The following MOB1B variants were observed in gnomAD, a reference collection of about 807,000 sequenced individuals.
MOB1B encodes MOB1 Mps One Binder homolog B.
In MOB1B, 19 loss-of-function variants were observed where a neutral mutation model predicts 24.4. The ratio of observed to expected loss-of-function variants is 0.78; its 90% CI spans 0.54 to 1.14. The LOEUF is 1.14. Among genes scored for constraint, MOB1B ranks in the 50% most tolerant of loss-of-function variants. MOB1B has a pLI of 0.00. For missense variants in MOB1B, 243 were observed against 259.6 expected (o/e 0.94, Z 0.44); for synonymous variants, 76 against 82.1 (o/e 0.93, Z 0.40).
intron 1 of MOB1B, among the ~76,000 whole-genome samples, chr4:70,943,724 G>A (rs1737447770): frequency 6.6e-6 from 1 of 152,074 alleles, no homozygotes; most frequent in Admixed American, 6.5e-5. Context: ...AAGACTATAC[G>A]TGTACCTAAA....
At chr4:70,925,104 C>T (rs1286765119) in intron 1 of MOB1B, among the ~76,000 whole-genome samples, 1 of 152,030 alleles carries the variant, frequency 6.6e-6, no homozygotes, top group Admixed American at 6.6e-5. Context: ...AGTGCAATGG[C>T]GCAATCTGGG....
In MOB1B at chr4:70,986,736, T is replaced by C. The variant is rs1335592411; in HGVS notation, c.*4679T>C. The C allele has an allele frequency of 3.9e-5, 6 of 152,196 alleles. No homozygotes were observed. The highest frequency in any genetic ancestry group is 8.8e-5 in the Non-Finnish European group (6 of 68,000). 9.4% of individuals were successfully genotyped at this position (152,196 alleles called of 1,614,324 possible). ...CAGCTATCACCTTAATTGTGTATGATATGATAAATGTTTAGCAGTAAAGCT... is the reference window on the plus strand; with the variant it reads ...CAGCTATCACCTTAATTGTGTATGACATGATAAATGTTTAGCAGTAAAGCT... On this transcript the variant is annotated 3_prime_UTR_variant, in exon 6 of 6. Transcript: ENST00000309395.
Position 70,975,749 on chromosome 4 carries a change from G to C in MOB1B, c.409+463G>C, listed in dbSNP as rs1738958086. 5 of 977,694 alleles carry C rather than the reference G, an allele frequency of 5.1e-6. No homozygotes were observed. The South Asian group carries it at 1.4e-4, about 28-fold the overall frequency. The allele number at this position is 977,694 out of a possible 1,614,324, so 60.6% of individuals were successfully genotyped here. A position where few individuals can be genotyped will look rare whatever the true frequency, so the allele number is the denominator to read the frequency against. On this transcript the variant is annotated intron_variant, in intron 4 of 5. Coordinates refer to ENST00000309395, the MANE Select transcript of MOB1B (RefSeq NM_173468.4). ...CTTTCAGTAGAAAGTTCTAGATGGA[G>C]GGTTATTCCTATTCTAGGAACCATG...
chr4:70,979,537 C>T (rs2148904692), intron 5 of MOB1B, among the ~76,000 whole-genome samples: 1 of 152,280 alleles, frequency 6.6e-6, no homozygotes, highest in African/African-American at 2.4e-5. Flanking sequence ...CTTCAGTTAA[C>T]AGGCCATATG....
At chr4:70,979,044 T>C (rs1739103898) in intron 4 of MOB1B, 84 bp from the exon 5 acceptor site, 2 of 1,084,466 alleles carry the variant, frequency 1.8e-6, no homozygotes, top group Non-Finnish European at 2.7e-6. Flanking sequence ...CTTGTCTTGG[T>C]AATTTATGTT....
At chr4:70,978,316 T>A (rs1446733462) in intron 4 of MOB1B, among the ~76,000 whole-genome samples, 4 of 152,228 alleles carry the variant, frequency 2.6e-5, no homozygotes. Context: ...GTTTTAAAAA[T>A]CCATTCATCT....
chr4:70,901,907 C>T (rs556389085), upstream of MOB1B, among the ~76,000 whole-genome samples: 1 of 152,262 alleles, frequency 6.6e-6, no homozygotes, highest in African/African-American at 2.4e-5. Context: ...GATGACCACC[C>T]TATCATGCTG....
chr4:70,971,792 T>C (rs992309234), intron 3 of MOB1B, among the ~76,000 whole-genome samples: 4 of 152,194 alleles, frequency 2.6e-5, no homozygotes, highest in African/African-American at 9.7e-5. Context: ...AGCCAGTTCT[T>C]CTGGCTTGAG....
intron 1 of MOB1B, among the ~76,000 whole-genome samples, chr4:70,927,137 T>TA (rs2148876743): frequency 6.6e-6 from 1 of 152,318 alleles, no homozygotes; most frequent in South Asian, 2.1e-4. Context: ...TAATGATGGT[T>TA]AAAGACCCTT....
chr4:70,969,873 A>G, intron 2 of MOB1B, 58 bp from the exon 3 acceptor site: 1 of 989,168 alleles, frequency 1.0e-6, no homozygotes, highest in South Asian at 1.5e-5. Flanking sequence ...AGTACAATTA[A>G]AATTTCATTT....
At chr4:70,904,008 T>C (rs1408860923) in intron 1 of MOB1B, among the ~76,000 whole-genome samples, 2 of 107,290 alleles carry the variant, frequency 1.9e-5, no homozygotes, top group African/African-American at 7.2e-5. Flanking sequence ...TGAGACGGAG[T>C]CTCCGCTCTG....
At chr4:70,910,332 C>T (rs189928520) in intron 1 of MOB1B, among the ~76,000 whole-genome samples, 122 of 152,126 alleles carry the variant, frequency 8.0e-4, no homozygotes, top group African/African-American at 2.7e-3. Context: ...CTAGCCATTG[C>T]GCCCAGCTGA....
At chr4:70,981,851 G>GA in intron 5 of MOB1B, 129 bp from the exon 6 acceptor site, 1 of 635,524 alleles carries the variant, frequency 1.6e-6, no homozygotes, top group South Asian at 1.9e-5. Context: ...TAGTGAACAA[G>GA]AAAAAAATAA....
At chr4:70,934,120 T>A (rs565222380) in intron 1 of MOB1B, among the ~76,000 whole-genome samples, 2 of 152,360 alleles carry the variant, frequency 1.3e-5, no homozygotes, top group Admixed American at 6.5e-5. Flanking sequence ...AGTCTCGCTC[T>A]GTTGCCCAGG....
At chr4:70,929,332 C>T (rs1736786142) in intron 1 of MOB1B, among the ~76,000 whole-genome samples, 1 of 151,794 alleles carries the variant, frequency 6.6e-6, no homozygotes. Flanking sequence ...GTGTGTGCCA[C>T]CACGCCCGGC....
Position 70,982,421 on chromosome 4 carries a change from A to G in MOB1B, c.*364A>G, listed in dbSNP as rs1005189815. ...GTGGCCCATTTATGAAGTCCCCAAA[A>G]GAGTTATGTTTTTAAGTGCCTTGGC... On this transcript the variant is annotated 3_prime_UTR_variant, in exon 6 of 6. Coordinates refer to ENST00000309395, the MANE Select transcript of MOB1B (RefSeq NM_173468.4). The G allele has an allele frequency of 5.9e-6, 1 of 169,348 alleles. No homozygotes were observed. The highest frequency in any genetic ancestry group is 2.4e-5 in the African/African-American group (1 of 41,684). The allele number at this position is 169,348 out of a possible 1,614,324, so 10.5% of individuals were successfully genotyped here.
chr4:70,965,754 G>A (rs1380210663), intron 2 of MOB1B, among the ~76,000 whole-genome samples: 4 of 121,668 alleles, frequency 3.3e-5, no homozygotes, highest in Non-Finnish European at 4.7e-5. Flanking sequence ...CCGAGATCAC[G>A]CCACTGCACT....
At chr4:70,969,724 A>G (rs1369799297) in intron 2 of MOB1B, among the ~76,000 whole-genome samples, 1 of 152,120 alleles carries the variant, frequency 6.6e-6, no homozygotes, top group Non-Finnish European at 1.5e-5. Flanking sequence ...TAATCTCTTC[A>G]TCTCTATGCT....
At chr4:70,969,692 TG>T (rs1214298378) in intron 2 of MOB1B, among the ~76,000 whole-genome samples, 1 of 152,262 alleles carries the variant, frequency 6.6e-6, no homozygotes, top group Non-Finnish European at 1.5e-5. Flanking sequence ...ATAAGATTTC[TG>T]TTGTTTGTAT....
Sources: gnomAD v4.1 joint callset for allele counts (sites outside exome capture counted in the v4.1 genomes callset) on GRCh38, gnomAD v4.1.1 for gene constraint, MANE v1.5 for transcripts, NCBI Gene and HGNC (gene_info 2026-07-23, HGNC 2026-07-21) for gene names.